The following ZFR2 variants were observed in gnomAD, a reference collection of about 807,000 sequenced individuals.
The protein encoded by ZFR2 is zinc finger RNA-binding protein 2.
ZFR2 carries 104 observed loss-of-function variants against 105.7 expected under a neutral mutation model. The observed-to-expected ratio is 0.98, with a 90% CI of 0.84 to 1.16. ZFR2 has a LOEUF of 1.16. Among genes scored for constraint, ZFR2 ranks in the 50% most tolerant of loss-of-function variants. ZFR2 has a pLI of 0.00. For synonymous variants in ZFR2, 634 were observed against 597.7 expected, an observed-to-expected ratio of 1.06 and a Z score of -0.89; for missense variants, 1,425 against 1,355.5, an observed-to-expected ratio of 1.05 and a Z score of -0.80.
chr19:3,834,964 G>C lies in ZFR2; in HGVS notation c.73C>G (p.Pro25Ala). 1 of 1,611,094 alleles carries C rather than the reference G, an allele frequency of 6.2e-7. No individual in the cohort carries two copies. Among genetic ancestry groups the C allele is most frequent in the South Asian group, 1.1e-5 (1 of 90,520 alleles). Residue 25 changes from proline (P) to alanine (A), a missense_variant, in exon 2 of 19, where the codon CCC becomes GCC. By Grantham distance (27) the Pro-to-Ala change is conservative (BLOSUM62 -1). Transcript: ENST00000262961. The surrounding 1 kb of genome is among the most constrained non-coding windows in gnomAD (Gnocchi z 5.3). ...PQYSAQPPTL[P>A]LPTVGASYTA... ...TAGCTGGCCCCCACAGTGGGCAGGG[G>C]AAGGGTCGGAGGCTGGGCGCTAGAA...
intron 8 of ZFR2, among the ~76,000 whole-genome samples, chr19:3,822,954 C>T (rs1487248173): frequency 6.6e-6 from 1 of 152,232 alleles, no homozygotes; most frequent in Non-Finnish European, 1.5e-5. Flanking sequence ...CTGCCCAGAT[C>T]CCTTCCACCT....
rs1043963643 is a variant in ZFR2, at chr19:3,858,797, G to A, written c.53+10168C>T. Among the ~76,000 whole-genome samples the A allele has an allele frequency of 3.3e-5, 5 of 152,182 alleles. No individual in the cohort carries two copies. Among genetic ancestry groups the A allele is most frequent in the South Asian group, 4.1e-4 (2 of 4,834 alleles). On this transcript the variant is annotated intron_variant, in intron 1 of 18. Coordinates refer to ENST00000262961, the MANE Select transcript of ZFR2 (RefSeq NM_015174.2). This position sits in a 1 kb window ranked among gnomAD's most constrained non-coding sequence, Gnocchi z 4.3. ...TGCACCACTGTACTCCAGCCTGGGC[G>A]ACAGAGTGAGACTCCGTCTCAAAAA...
At chr19:3,852,587 G>A in intron 1 of ZFR2, 1 of 718,638 alleles carries the variant, frequency 1.4e-6, no homozygotes, top group East Asian at 2.7e-5. Context: ...CAGATGCAAG[G>A]GCCGGGGGAG....
chr19:3,828,572 C>A (rs548754756), intron 5 of ZFR2, among the ~76,000 whole-genome samples: 4 of 152,306 alleles, frequency 2.6e-5, no homozygotes, highest in Non-Finnish European at 4.4e-5. Flanking sequence ...CACAGGGGCT[C>A]CACCCGGGGG....
At chr19:3,849,539 C>T (rs1300868076) in intron 1 of ZFR2, among the ~76,000 whole-genome samples, 6 of 152,220 alleles carry the variant, frequency 3.9e-5, no homozygotes, top group Non-Finnish European at 8.8e-5. Flanking sequence ...TCCCCCAAAT[C>T]GTGACAATGA....
chr19:3,840,195 C>G (rs1268213788), intron 1 of ZFR2, among the ~76,000 whole-genome samples: 2 of 151,924 alleles, frequency 1.3e-5, no homozygotes, highest in Non-Finnish European at 2.9e-5. Context: ...TCGCCCAGTA[C>G]AGAAGCAGCA....
In ZFR2 at chr19:3,834,221, T is replaced by C. The variant is rs958800379; in HGVS notation, c.265-443A>G. On this transcript the variant is annotated intron_variant, in intron 2 of 18. Transcript: ENST00000262961. This position sits in a 1 kb window ranked among gnomAD's most constrained non-coding sequence, Gnocchi z 5.3. ...AGGTGCGGGTGGCAGAGCTGGGAAA[T>C]TGGAGCATGGTCACGGGGGACATCT... Among the ~76,000 whole-genome samples the C allele has an allele frequency of 6.6e-6, 1 of 151,692 alleles. No homozygotes were observed. Among genetic ancestry groups the C allele is most frequent in the African/African-American group, 2.4e-5 (1 of 41,250 alleles).
intron 14 of ZFR2, among the ~76,000 whole-genome samples, chr19:3,812,869 A>G (rs1285559771): frequency 3.3e-5 from 5 of 152,204 alleles, no homozygotes; most frequent in Admixed American, 6.5e-5. Flanking sequence ...ACCTGAAGTC[A>G]GGAGTTCGAG....
chr19:3,815,525 T>TA (rs1309433095), intron 13 of ZFR2, among the ~76,000 whole-genome samples: 7 of 152,232 alleles, frequency 4.6e-5, no homozygotes, highest in South Asian at 2.1e-4. Flanking sequence ...TTGCTTTTCT[T>TA]ACGGCTTCCT....
At chr19:3,836,323 TA>T (rs907962596) in intron 1 of ZFR2, among the ~76,000 whole-genome samples, 6 of 150,810 alleles carry the variant, frequency 4.0e-5, no homozygotes, top group East Asian at 1.9e-4. Context: ...ATTTTCTCTT[TA>T]AAAAAAAAAT....
At chr19:3,810,614 C>T in intron 16 of ZFR2, 136 bp downstream of exon 16, 1 of 758,536 alleles carries the variant, frequency 1.3e-6, no homozygotes, top group Non-Finnish European at 2.0e-6. Flanking sequence ...CAGGGACTCC[C>T]ACGGCCTCTC....
In ZFR2 at chr19:3,805,981, G is replaced by A. The variant is rs1054214424; in HGVS notation, c.2788C>T (p.Arg930Trp). The change falls in exon 19 of 19, where the codon CGG (arginine) becomes TGG (tryptophan). Residue 930 changes from arginine (R) to tryptophan (W), a missense_variant. Arg to Trp is a moderately radical substitution (Grantham distance 101). Coordinates refer to ENST00000262961, the MANE Select transcript of ZFR2 (RefSeq NM_015174.2). Reference sequence around the variant, plus strand: ...AGCCCCTCTCCGCCCCGCCGGCCCCGCTTCTTCTCCCCTGCGCCCTCCTCT... The same window carrying A: ...AGCCCCTCTCCGCCCCGCCGGCCCCACTTCTTCTCCCCTGCGCCCTCCTCT... Reference protein sequence around the residue: ...EGEEGAGEKKRGRRGGEGLV With the variant: ...EGEEGAGEKKWGRRGGEGLV 18 of 1,541,378 alleles carry A rather than the reference G, an allele frequency of 1.2e-5. No individual in the cohort carries two copies. Among genetic ancestry groups the A allele is most frequent in the African/African-American group, 4.1e-5 (3 of 72,556 alleles).
intron 1 of ZFR2, among the ~76,000 whole-genome samples, chr19:3,861,906 A>G (rs2038378614): frequency 2.0e-5 from 3 of 152,328 alleles, no homozygotes; most frequent in Admixed American, 2.0e-4. Context: ...AGCCTGGGCA[A>G]CAGAGTGAGA....
intron 6 of ZFR2, among the ~76,000 whole-genome samples, chr19:3,827,228 C>A (rs185887449): frequency 2.0e-5 from 3 of 152,074 alleles, no homozygotes; most frequent in Admixed American, 2.0e-4. Context: ...GGGAACAGGA[C>A]GAGACTTTGT....
chr19:3,861,940 T>A (rs2038379031), intron 1 of ZFR2, among the ~76,000 whole-genome samples: 1 of 151,942 alleles, frequency 6.6e-6, no homozygotes, highest in South Asian at 2.1e-4. Flanking sequence ...ATAATAATAA[T>A]AAAATACAAA....
intron 1 of ZFR2, among the ~76,000 whole-genome samples, chr19:3,859,212 G>T (rs2038342043): frequency 6.6e-6 from 1 of 152,180 alleles, no homozygotes; most frequent in Non-Finnish European, 1.5e-5. Context: ...CATGCTGGGT[G>T]CCTCCTGCCC....
At position 3,820,981 on chromosome 19, in the gene ZFR2, G is replaced by A. The variant is rs1178858924; in HGVS notation, c.1631+359C>T. On this transcript the variant is annotated intron_variant, in intron 10 of 18. Coordinates refer to ENST00000262961, the MANE Select transcript of ZFR2 (RefSeq NM_015174.2). ...GGTGGACACAGGGACACTAGAGGTCGGGGGACACAGGGACACTAGAGGTCG... is the reference window on the plus strand; with the variant it reads ...GGTGGACACAGGGACACTAGAGGTCAGGGGACACAGGGACACTAGAGGTCG... Among the ~76,000 whole-genome samples the A allele has an allele frequency of 9.9e-5, 10 of 100,902 alleles. 1 individual carries two copies. The highest frequency in any genetic ancestry group is 3.8e-4 in the African/African-American group (10 of 26,394). 66.2% of individuals were successfully genotyped at this position (100,902 alleles called of 152,430 possible). A position where few individuals can be genotyped will look rare whatever the true frequency, so the allele number is the denominator to read the frequency against.
chr19:3,806,250 T>A, intron 18 of ZFR2, 125 bp from the exon 19 acceptor site: 1 of 1,051,610 alleles, frequency 9.5e-7, no homozygotes, highest in Non-Finnish European at 1.2e-6. Flanking sequence ...TCCCTCGAGA[T>A]AGCCCCCGGC....
Position 3,813,921 on chromosome 19 carries a change from G to C in ZFR2, c.2141C>G (p.Pro714Arg). The C allele has an allele frequency of 6.2e-7, 1 of 1,613,992 alleles. No homozygotes were observed. The highest frequency in any genetic ancestry group is 8.5e-7 in the Non-Finnish European group (1 of 1,179,882). The change falls in exon 14 of 19, where the codon CCT (proline) becomes CGT (arginine). Residue 714 changes from proline to arginine, a missense_variant. By Grantham distance (103) the Pro-to-Arg change is moderately radical. Transcript: ENST00000262961. The surrounding 1 kb of genome is among the most constrained non-coding windows in gnomAD (Gnocchi z 4.4). Reference protein sequence around the residue: ...TEDEYEVSSDPEANIVISSCE... With the variant: ...TEDEYEVSSDREANIVISSCE... Reference sequence around the variant, plus strand: ...GGAGGAGATGACAATGTTGGCTTCAGGGTCGGAGGAGACCTCATACTCATC... The same window carrying C: ...GGAGGAGATGACAATGTTGGCTTCACGGTCGGAGGAGACCTCATACTCATC...
Sources: allele counts gnomAD v4.1 joint callset (sites outside exome capture counted in the v4.1 genomes callset), GRCh38; gene constraint gnomAD v4.1.1; non-coding constraint Gnocchi (gnomAD v3.1); transcripts MANE v1.5; gene names NCBI Gene and HGNC (gene_info 2026-07-23, HGNC 2026-07-21).